Variants in HMCN1 observed in about 807,000 individuals in gnomAD.
HMCN1 encodes the protein hemicentin-1.
HMCN1 carries 321 observed loss-of-function variants against 625.9 expected under a neutral mutation model. The ratio of observed to expected loss-of-function variants is 0.51; its 90% CI spans 0.47 to 0.56. The LOEUF (loss-of-function observed/expected upper bound fraction) is 0.56. Among genes scored for constraint, HMCN1 ranks in the 20% least tolerant of loss-of-function variants. The pLI, the probability that HMCN1 is intolerant of heterozygous loss-of-function variation, is 0.00. For synonymous variants in HMCN1, 2,425 were observed against 2,417.6 expected (o/e 1.00, Z -0.09); for missense variants, 6,588 against 6,887.3 (o/e 0.96, Z 1.54).
intron 36 of HMCN1, among the ~76,000 whole-genome samples, chr1:186,028,432 G>T (rs927825946): frequency 2.0e-5 from 3 of 152,124 alleles, no homozygotes; most frequent in Admixed American, 2.0e-4. Flanking sequence ...ATTTATATTT[G>T]TATTTACTTT....
At chr1:185,863,381 A>C (rs796753542) in intron 2 of HMCN1, among the ~76,000 whole-genome samples, 1 of 152,190 alleles carries the variant, frequency 6.6e-6, no homozygotes, top group Non-Finnish European at 1.5e-5. Context: ...TCAAAAGTCC[A>C]TTCCCTTGGC....
chr1:185,854,333 T>A (rs1172373556), intron 2 of HMCN1, among the ~76,000 whole-genome samples: 1 of 152,154 alleles, frequency 6.6e-6, no homozygotes. Flanking sequence ...GTCCTAGTAT[T>A]GGAATTGATT....
At chr1:186,053,133 T>A (rs1657079250) in intron 43 of HMCN1, 59 bp downstream of exon 43, 1 of 1,474,108 alleles carries the variant, frequency 6.8e-7, no homozygotes. Flanking sequence ...GATATTGATT[T>A]CGTTTAATAA....
At chr1:185,943,745 A>G (rs1277766208) in intron 11 of HMCN1, among the ~76,000 whole-genome samples, 3 of 152,280 alleles carry the variant, frequency 2.0e-5, no homozygotes, top group Admixed American at 2.0e-4. Context: ...TATTAACTCA[A>G]TCTCTAGCTT....
chr1:186,018,007 A>G (rs1654475274), intron 33 of HMCN1, among the ~76,000 whole-genome samples, 176 bp from the exon 34 acceptor site: 1 of 152,006 alleles, frequency 6.6e-6, no homozygotes, highest in African/African-American at 2.4e-5. Context: ...TTCCAACAAT[A>G]TGCCAGCTCT....
intron 4 of HMCN1, among the ~76,000 whole-genome samples, chr1:185,905,453 G>T (rs1179856377): frequency 6.6e-6 from 1 of 151,754 alleles, no homozygotes; most frequent in Non-Finnish European, 1.5e-5. Context: ...AGGCATAATT[G>T]CAAACTGTAT....
Position 186,007,288 on chromosome 1 carries a change from TGCGA to T in HMCN1, c.4630+7_4630+10del. ...TATAAAACTGACTATCTATAGTAAGTGCGATTGTCTTATGCTTTTTATTGTCTGC... is the reference window on the plus strand; with the variant it reads ...TATAAAACTGACTATCTATAGTAAGTTTGTCTTATGCTTTTTATTGTCTGC... On this transcript the variant is annotated splice_region_variant and intron_variant, in intron 30 of 106. Coordinates refer to ENST00000271588, the MANE Select transcript of HMCN1 (RefSeq NM_031935.3). 1.2e-6 allele frequency: 2 copies of T among 1,613,060 alleles called. No homozygotes were observed. The highest frequency in any genetic ancestry group is 1.7e-6 in the Non-Finnish European group (2 of 1,179,182).
intron 58 of HMCN1, among the ~76,000 whole-genome samples, chr1:186,086,962 A>G (rs1256027518): frequency 6.6e-6 from 1 of 152,126 alleles, no homozygotes; most frequent in East Asian, 1.9e-4. Context: ...CAGAGCCTGT[A>G]TCAAACAGTT....
intron 1 of HMCN1, among the ~76,000 whole-genome samples, chr1:185,755,435 C>T (rs1226778383): frequency 6.6e-6 from 1 of 152,158 alleles, no homozygotes; most frequent in East Asian, 1.9e-4. Context: ...CAAGAAACAT[C>T]ACAATCGGTC....
chr1:185,997,380 T>C, intron 24 of HMCN1, 49 bp from the exon 25 acceptor site: 1 of 1,213,996 alleles, frequency 8.2e-7, no homozygotes, highest in Non-Finnish European at 1.2e-6. Flanking sequence ...TAGGAGAGTT[T>C]GAAATTGCTC....
intron 1 of HMCN1, among the ~76,000 whole-genome samples, chr1:185,809,332 AAT>A (rs1482463580): frequency 6.6e-6 from 1 of 152,028 alleles, no homozygotes; most frequent in Non-Finnish European, 1.5e-5. Context: ...TAATTAATAA[AAT>A]ATGTTTTCTT....
intron 11 of HMCN1, among the ~76,000 whole-genome samples, chr1:185,951,384 C>A (rs1164246997): frequency 6.6e-6 from 1 of 151,622 alleles, no homozygotes; most frequent in Non-Finnish European, 1.5e-5. Flanking sequence ...GCCGTCAATA[C>A]CCACAACAGT....
At chr1:186,154,588 C>A (rs1035272847) in intron 97 of HMCN1, among the ~76,000 whole-genome samples, 1 of 152,082 alleles carries the variant, frequency 6.6e-6, no homozygotes, top group Non-Finnish European at 1.5e-5. Context: ...ATAATAAAGT[C>A]CATTTGTTAT....
intron 4 of HMCN1, among the ~76,000 whole-genome samples, chr1:185,888,321 C>A (rs1664809561): frequency 7.1e-6 from 1 of 139,894 alleles, no homozygotes; most frequent in Admixed American, 6.8e-5. Flanking sequence ...AATTAGATCC[C>A]ATTTGTCAAT....
intron 5 of HMCN1, among the ~76,000 whole-genome samples, chr1:185,910,528 T>C (rs139733510): frequency 6.6e-5 from 10 of 152,220 alleles, no homozygotes; most frequent in Non-Finnish European, 1.5e-4. Flanking sequence ...TGTAAAACTT[T>C]TGATTCAAAC....
intron 10 of HMCN1, among the ~76,000 whole-genome samples, chr1:185,932,179 A>G (rs992415773): frequency 2.6e-5 from 4 of 152,210 alleles, no homozygotes; most frequent in Non-Finnish European, 4.4e-5. Flanking sequence ...AGCTATTTTC[A>G]TAAGATATTT....
chr1:186,172,924 C>T (rs149375469), intron 102 of HMCN1, among the ~76,000 whole-genome samples: 92 of 152,132 alleles, frequency 6.0e-4, no homozygotes, highest in African/African-American at 1.4e-3. Flanking sequence ...GTAGGAGTCA[C>T]TATGAAGGAG....
At chr1:185,942,845 G>T (rs946760020) in intron 11 of HMCN1, among the ~76,000 whole-genome samples, 1 of 151,886 alleles carries the variant, frequency 6.6e-6, no homozygotes, top group Non-Finnish European at 1.5e-5. Flanking sequence ...ATAAATCAAG[G>T]GTTCCCATAA....
intron 22 of HMCN1, among the ~76,000 whole-genome samples, chr1:185,992,020 A>G (rs928028713): frequency 6.6e-6 from 1 of 152,082 alleles, no homozygotes; most frequent in Non-Finnish European, 1.5e-5. Flanking sequence ...TCATGTGATT[A>G]ACTTCAAGTG....
Sources: allele counts gnomAD v4.1 joint callset (sites outside exome capture counted in the v4.1 genomes callset), GRCh38; gene constraint gnomAD v4.1.1; transcripts MANE v1.5; gene names NCBI Gene and HGNC (gene_info 2026-07-23, HGNC 2026-07-21).